SIGLEC7: variants seen among roughly 807,000 people sequenced by gnomAD.
SIGLEC7 encodes the protein sialic acid-binding Ig-like lectin 7.
In SIGLEC7, 33 loss-of-function variants were observed where a neutral mutation model predicts 40.8. The ratio of observed to expected loss-of-function variants is 0.81; its 90% CI spans 0.61 to 1.08. SIGLEC7 has a LOEUF of 1.08. Ranked by LOEUF, SIGLEC7 falls within the 50% of genes least tolerant of loss-of-function variation. The pLI, the probability that SIGLEC7 is intolerant of heterozygous loss-of-function variation, is 0.00. For missense variants in SIGLEC7, 513 were observed against 576.1 expected (o/e 0.89, Z 1.12); for synonymous variants, 242 against 237.6 (o/e 1.02, Z -0.17).
chr19:51,150,550 T>C (rs1408047870), intron 6 of SIGLEC7, among the ~76,000 whole-genome samples: 1 of 152,204 alleles, frequency 6.6e-6, no homozygotes, highest in African/African-American at 2.4e-5. Context: ...TTGTTGAGGA[T>C]TTTTGCATCA....
At chr19:51,146,315 G>A (rs1450850352) in intron 4 of SIGLEC7, among the ~76,000 whole-genome samples, 194 bp downstream of exon 4, 4 of 152,142 alleles carry the variant, frequency 2.6e-5, no homozygotes, top group Admixed American at 2.0e-4. Context: ...GAGGGGAGGA[G>A]TGGGTCTTGG....
At chr19:51,144,817 G>A (rs577158142) in intron 2 of SIGLEC7, 95 bp from the exon 3 acceptor site, 112 of 1,581,096 alleles carry the variant, frequency 7.1e-5, no homozygotes, top group Non-Finnish European at 3.9e-5. Context: ...GGAGGACGCT[G>A]GCTCCGCCTT....
chr19:51,142,309 T>C lies in SIGLEC7; in HGVS notation c.-61T>C. ...TTCTAAGTCTTGAGCCCGCAGTTCC[T>C]GAGAGAAGAACCCTGAGGAACAGAC... On this transcript the variant is annotated 5_prime_UTR_variant, in exon 1 of 7. Coordinates refer to ENST00000317643, the MANE Select transcript of SIGLEC7 (RefSeq NM_014385.4). This position sits in a 1 kb window ranked among gnomAD's most constrained non-coding sequence, Gnocchi z 5.0. The C allele has an allele frequency of 1.3e-6, 2 of 1,574,346 alleles. No homozygotes were observed. Among genetic ancestry groups the C allele is most frequent in the Admixed American group, 1.7e-5 (1 of 57,828 alleles).
At chr19:51,150,084 T>C (rs530541466) in intron 6 of SIGLEC7, among the ~76,000 whole-genome samples, 2 of 152,346 alleles carry the variant, frequency 1.3e-5, no homozygotes, top group South Asian at 4.1e-4. Context: ...GAATCATGCA[T>C]CTGCAAAGAG....
Position 51,144,518 on chromosome 19 carries a change from C to A in SIGLEC7, c.546C>A (p.Ile182=). 1 of 1,613,906 alleles carries A rather than the reference C, an allele frequency of 6.2e-7. No homozygotes were observed. Among genetic ancestry groups the A allele is most frequent in the Admixed American group, 1.7e-5 (1 of 60,030 alleles). ...WACEQGTPPM[I]SWMGTSVSPL... ...GTGAGCAGGGGACGCCCCCTATGAT[C>A]TCCTGGATGGGGACCTCTGTGTCCC... The change falls in exon 2 of 7, where the codon ATC becomes ATA. Residue 182 remains isoleucine, a synonymous_variant. Coordinates refer to ENST00000317643, the MANE Select transcript of SIGLEC7 (RefSeq NM_014385.4).
chr19:51,147,583 T>G (rs943622747), intron 6 of SIGLEC7, among the ~76,000 whole-genome samples: 4 of 152,128 alleles, frequency 2.6e-5, no homozygotes, highest in African/African-American at 4.8e-5. Flanking sequence ...TCACCAAATC[T>G]TGTCCATTTT....
At position 51,142,342 on chromosome 19, in the gene SIGLEC7, C is replaced by A; in HGVS notation, c.-28C>A. The A allele has an allele frequency of 6.2e-7, 1 of 1,603,458 alleles. No homozygotes were observed. Among genetic ancestry groups the A allele is most frequent in the Non-Finnish European group, 8.5e-7 (1 of 1,174,180 alleles). On this transcript the variant is annotated 5_prime_UTR_variant, in exon 1 of 7. Coordinates refer to ENST00000317643, the MANE Select transcript of SIGLEC7 (RefSeq NM_014385.4). The surrounding 1 kb of genome is among the most constrained non-coding windows in gnomAD (Gnocchi z 5.0). The stretch of plus-strand genomic sequence containing the variant: ...GAACCCTGAGGAACAGACGTTCCCT[C>A]GCGGCCCTGGCACCTCCAACCCCAG...
In SIGLEC7 at chr19:51,149,487, T is replaced by C. The variant is rs191543481; in HGVS notation, c.1221+2170T>C. ...TAGGTGTGTGGCTTTATTTCTGGGCTCTCTATTCCGTTCCATTGGTCTATG... is the reference window on the plus strand; with the variant it reads ...TAGGTGTGTGGCTTTATTTCTGGGCCCTCTATTCCGTTCCATTGGTCTATG... On this transcript the variant is annotated intron_variant, in intron 6 of 6. Coordinates refer to ENST00000317643, the MANE Select transcript of SIGLEC7 (RefSeq NM_014385.4). 5.8e-4 allele frequency among the ~76,000 whole-genome samples: 88 copies of C among 152,284 alleles called. 1 individual carries two copies. The highest frequency in any genetic ancestry group is 2.0e-3 in the African/African-American group (85 of 41,552).
At chr19:51,146,666 C>A in intron 4 of SIGLEC7, 88 bp from the exon 5 acceptor site, 1 of 1,148,428 alleles carries the variant, frequency 8.7e-7, no homozygotes, top group Non-Finnish European at 1.3e-6. Context: ...GATTAGGGTA[C>A]CCAAGTTGGG....
At chr19:51,146,533 A>G (rs1046881723) in intron 4 of SIGLEC7, among the ~76,000 whole-genome samples, 1 of 152,248 alleles carries the variant, frequency 6.6e-6, no homozygotes, top group Non-Finnish European at 1.5e-5. Flanking sequence ...ATAATTTGAC[A>G]GTGAATACAA....
At position 51,142,625 on chromosome 19, in the gene SIGLEC7, G is replaced by A. The variant is rs769245559; in HGVS notation, c.256G>A (p.Ala86Thr). 3.1e-6 allele frequency: 5 copies of A among 1,614,066 alleles called. No individual in the cohort carries two copies. In the African/African-American group the frequency reaches 6.7e-5, roughly 22 times the overall value. The part of the protein sequence containing the change: ...APVATNNPAW[A>T]VQEETRDRFH... ...AGTGGCCACAAACAACCCAGCTTGG[G>A]CAGTGCAGGAGGAAACTCGGGACCG... The change falls in exon 1 of 7, where the codon GCA (alanine) becomes ACA (threonine). Residue 86 changes from alanine to threonine, a missense_variant. By Grantham distance (58) the Ala-to-Thr change is moderately conservative. Transcript: ENST00000317643. The surrounding 1 kb of genome is among the most constrained non-coding windows in gnomAD (Gnocchi z 5.0).
At position 51,152,978 on chromosome 19, in the gene SIGLEC7, C is replaced by T. The variant is rs914910319; in HGVS notation, c.1222-85C>T. On this transcript the variant is annotated intron_variant, in intron 6 of 6. Coordinates refer to ENST00000317643, the MANE Select transcript of SIGLEC7 (RefSeq NM_014385.4). The stretch of plus-strand genomic sequence containing the variant: ...ATACAGAGGAATATATCCGAACCAA[C>T]CAACCGATCAAACAACTTGTGACTC... The T allele has an allele frequency of 6.6e-6, 8 of 1,213,688 alleles. No individual in the cohort carries two copies. In the Admixed American group the frequency reaches 1.9e-4, roughly 29 times the overall value. The allele number at this position is 1,213,688 out of a possible 1,614,324, so 75.2% of individuals were successfully genotyped here. A position where few individuals can be genotyped will look rare whatever the true frequency, so the allele number is the denominator to read the frequency against.
At position 51,145,090 on chromosome 19, in the gene SIGLEC7, C is replaced by A; in HGVS notation, c.760+131C>A. Reference sequence around the variant, plus strand: ...TTGTAGTTGAACCCAGGCCTCCTCCCCATCCTTAGCCTCTGTGGCCACCTG... The same window carrying A: ...TTGTAGTTGAACCCAGGCCTCCTCCACATCCTTAGCCTCTGTGGCCACCTG... On this transcript the variant is annotated intron_variant, in intron 3 of 6. Coordinates refer to ENST00000317643, the MANE Select transcript of SIGLEC7 (RefSeq NM_014385.4). This position sits in a 1 kb window ranked among gnomAD's most constrained non-coding sequence, Gnocchi z 4.3. The A allele has an allele frequency of 1.2e-6, 1 of 854,558 alleles. No individual in the cohort carries two copies. The highest frequency in any genetic ancestry group is 1.9e-6 in the Non-Finnish European group (1 of 518,150). 52.9% of individuals were successfully genotyped at this position (854,558 alleles called of 1,614,324 possible). A position where few individuals can be genotyped will look rare whatever the true frequency, so the allele number is the denominator to read the frequency against.
intron 1 of SIGLEC7, chr19:51,143,836 C>T (rs908892659): frequency 3.2e-5 from 13 of 410,918 alleles, no homozygotes; most frequent in African/African-American, 6.4e-5. Context: ...CGTCCCAGGC[C>T]CCACTGTCAA....
At position 51,146,130 on chromosome 19, in the gene SIGLEC7, G is replaced by C; in HGVS notation, c.1027+9G>C. The C allele has an allele frequency of 3.1e-6, 5 of 1,612,246 alleles. No homozygotes were observed. Among genetic ancestry groups the C allele is most frequent in the Non-Finnish European group, 4.2e-6 (5 of 1,178,664 alleles). ...GCAACAGGAGTACACAGGTGGGTAAGGGAGGGGCTGGAGGAGGAGAACACA... is the reference window on the plus strand; with the variant it reads ...GCAACAGGAGTACACAGGTGGGTAACGGAGGGGCTGGAGGAGGAGAACACA... On this transcript the variant is annotated intron_variant, in intron 4 of 6. Coordinates refer to ENST00000317643, the MANE Select transcript of SIGLEC7 (RefSeq NM_014385.4).
chr19:51,152,091 A>G (rs1230995304), intron 6 of SIGLEC7, among the ~76,000 whole-genome samples: 1 of 152,198 alleles, frequency 6.6e-6, no homozygotes, highest in African/African-American at 2.4e-5. Flanking sequence ...GGCCAAAATC[A>G]AGGCATTGGC....
chr19:51,152,795 G>T, intron 6 of SIGLEC7: 1 of 208,034 alleles, frequency 4.8e-6, no homozygotes, highest in East Asian at 9.6e-5. Context: ...GTTTGGGTAC[G>T]CTACTTTCTT....
At position 51,153,472 on chromosome 19, in the gene SIGLEC7, G is replaced by C. The variant is rs2092158534; in HGVS notation, c.*227G>C. The C allele has an allele frequency of 5.7e-6, 2 of 351,758 alleles. No homozygotes were observed. The highest frequency in any genetic ancestry group is 9.0e-5 in the South Asian group (1 of 11,160). 21.8% of individuals were successfully genotyped at this position (351,758 alleles called of 1,614,324 possible). On this transcript the variant is annotated 3_prime_UTR_variant, in exon 7 of 7. Coordinates refer to ENST00000317643, the MANE Select transcript of SIGLEC7 (RefSeq NM_014385.4). ...CCTCTGGTACCCACCATTCTCCTCTGTACTTCTCTAAGGATGACTACTTTA... is the reference window on the plus strand; with the variant it reads ...CCTCTGGTACCCACCATTCTCCTCTCTACTTCTCTAAGGATGACTACTTTA...
chr19:51,146,825 C>G lies in SIGLEC7; in HGVS notation c.1099C>G (p.Leu367Val), dbSNP rs1240016470. The stretch of plus-strand genomic sequence containing the variant: ...AGCTGGAGCCACAGCCCTGGTCTTC[C>G]TCTCCTTCTGTGTCATCTTCATTGT... ...GGAGATALVF[L>V]SFCVIFIVVR... is the part of the protein sequence containing the mutation. Residue 367 changes from leucine (L) to valine (V), a missense_variant, in exon 5 of 7, where the codon CTC becomes GTC. Leu to Val is a conservative substitution (Grantham distance 32, BLOSUM62 1). Coordinates refer to ENST00000317643, the MANE Select transcript of SIGLEC7 (RefSeq NM_014385.4). 1 of 1,613,958 alleles carries G rather than the reference C, an allele frequency of 6.2e-7. No individual in the cohort carries two copies. Among genetic ancestry groups the G allele is most frequent in the Non-Finnish European group, 8.5e-7 (1 of 1,179,956 alleles).
Sources: gnomAD v4.1 joint callset for allele counts (sites outside exome capture counted in the v4.1 genomes callset) on GRCh38, gnomAD v4.1.1 for gene constraint, Gnocchi (gnomAD v3.1) non-coding constraint, MANE v1.5 for transcripts, NCBI Gene and HGNC (gene_info 2026-07-23, HGNC 2026-07-21) for gene names.